LNP1: variants seen among roughly 807,000 people sequenced by gnomAD.
LNP1 encodes leukemia NUP98 fusion partner 1.
Under a neutral mutation model 14.5 loss-of-function variants are expected in LNP1, and 12 were observed. The observed-to-expected ratio is 0.83, with a 90% confidence interval of 0.53 to 1.34. LNP1 has a LOEUF of 1.34. Among genes scored for constraint, LNP1 ranks in the 40% most tolerant of loss-of-function variants. LNP1 has a pLI of 0.00. For synonymous variants in LNP1, 75 were observed against 71.4 expected (o/e 1.05, Z -0.26); for missense variants, 198 against 210.9 (o/e 0.94, Z 0.38).
chr3:100,420,672 A>T (rs978854566), intron 1 of LNP1, among the ~76,000 whole-genome samples: 44 of 152,112 alleles, frequency 2.9e-4, no homozygotes, highest in Admixed American at 1.6e-3. Flanking sequence ...AAAGTTTTTT[A>T]AAAAATGTAT....
At chr3:100,416,602 TGTG>T (rs1707086629) in intron 1 of LNP1, among the ~76,000 whole-genome samples, 720 of 58,640 alleles carry the variant, frequency 0.012, 24 homozygotes, top group Admixed American at 0.078. Flanking sequence ...ATCTTTTTTG[TGTG>T]TGTGTGTGTG....
At chr3:100,431,425 A>C (rs1187747213) in intron 2 of LNP1, among the ~76,000 whole-genome samples, 1 of 152,208 alleles carries the variant, frequency 6.6e-6, no homozygotes, top group African/African-American at 2.4e-5. Context: ...TGCCTGAATT[A>C]ACCTGTTTAG....
chr3:100,414,471 T>A (rs137877484), intron 1 of LNP1, among the ~76,000 whole-genome samples: 59 of 151,590 alleles, frequency 3.9e-4, no homozygotes, highest in African/African-American at 1.3e-3. Context: ...CGCTTGAACC[T>A]GGGAGGCAGA....
chr3:100,424,894 A>G (rs1434757076), intron 1 of LNP1, among the ~76,000 whole-genome samples: 1 of 152,232 alleles, frequency 6.6e-6, no homozygotes, highest in African/African-American at 2.4e-5. Context: ...TATTGACTTT[A>G]CTTAAAATCC....
At chr3:100,409,935 A>C (rs924384847) in intron 1 of LNP1, among the ~76,000 whole-genome samples, 2 of 150,768 alleles carry the variant, frequency 1.3e-5, no homozygotes, top group African/African-American at 4.9e-5. Context: ...TATATGCATA[A>C]ATATATATGT....
At chr3:100,409,595 T>C (rs1304247224) in intron 1 of LNP1, among the ~76,000 whole-genome samples, 363 of 99,620 alleles carry the variant, frequency 3.6e-3, no homozygotes, top group African/African-American at 0.015. Flanking sequence ...CACACACATA[T>C]ATATATATAT....
At chr3:100,416,773 T>TG (rs1273951713) in intron 1 of LNP1, among the ~76,000 whole-genome samples, 9 of 151,830 alleles carry the variant, frequency 5.9e-5, no homozygotes, top group Non-Finnish European at 1.3e-4. Context: ...TGTGCAGGTT[T>TG]GTTACATAGG....
intron 1 of LNP1, among the ~76,000 whole-genome samples, chr3:100,426,061 TC>T (rs1707189755): frequency 6.6e-6 from 1 of 152,066 alleles, no homozygotes; most frequent in South Asian, 2.1e-4. Flanking sequence ...GATGGAGGGG[TC>T]CCACTCTCTG....
At chr3:100,448,588 T>C (rs1474759516) in intron 2 of LNP1, among the ~76,000 whole-genome samples, 1 of 152,208 alleles carries the variant, frequency 6.6e-6, no homozygotes, top group Non-Finnish European at 1.5e-5. Flanking sequence ...ATGCTGGCAG[T>C]TCTTAAAACA....
intron 1 of LNP1, among the ~76,000 whole-genome samples, chr3:100,414,515 C>T (rs1033783699): frequency 1.3e-5 from 2 of 151,726 alleles, no homozygotes; most frequent in African/African-American, 4.8e-5. Flanking sequence ...CCGCTGCACT[C>T]CAGCCTGGGC....
chr3:100,409,777 T>C (rs1252921970), intron 1 of LNP1, among the ~76,000 whole-genome samples: 1 of 151,360 alleles, frequency 6.6e-6, no homozygotes, highest in Non-Finnish European at 1.5e-5. Context: ...GTATTTTTAG[T>C]AGAGACGGGG....
intron 1 of LNP1, among the ~76,000 whole-genome samples, chr3:100,427,915 A>T (rs1344266158): frequency 6.6e-6 from 1 of 152,248 alleles, no homozygotes. Context: ...ACTTTTCCTT[A>T]GTAACATAAA....
chr3:100,416,231 G>A (rs180678421), intron 1 of LNP1, among the ~76,000 whole-genome samples: 22 of 152,182 alleles, frequency 1.4e-4, no homozygotes, highest in Non-Finnish European at 2.8e-4. Context: ...ATTTTTATAA[G>A]GGGAAATTGA....
At chr3:100,425,547 C>T (rs1390753753) in intron 1 of LNP1, among the ~76,000 whole-genome samples, 1 of 152,190 alleles carries the variant, frequency 6.6e-6, no homozygotes, top group Non-Finnish European at 1.5e-5. Flanking sequence ...TCTCCTGCAT[C>T]TCCCCAGGTG....
intron 2 of LNP1, among the ~76,000 whole-genome samples, chr3:100,431,851 G>A (rs1428981924): frequency 6.9e-6 from 1 of 144,078 alleles, no homozygotes; most frequent in Non-Finnish European, 1.5e-5. Flanking sequence ...AAAAAAAATA[G>A]CAGGGTGTGG....
At chr3:100,419,612 A>G (rs1707125122) in intron 1 of LNP1, among the ~76,000 whole-genome samples, 1 of 152,168 alleles carries the variant, frequency 6.6e-6, no homozygotes, top group Non-Finnish European at 1.5e-5. Context: ...TCCTCAAACT[A>G]AACTCTGAGA....
chr3:100,450,713 C>T (rs1707429581), intron 2 of LNP1, among the ~76,000 whole-genome samples: 1 of 152,116 alleles, frequency 6.6e-6, no homozygotes, highest in African/African-American at 2.4e-5. Context: ...AGGCTGTAGA[C>T]TGCTCTCTAC....
At position 100,453,410 on chromosome 3, in the gene LNP1, G is replaced by A. The variant is rs372824263; in HGVS notation, c.387+1461G>A. Among the ~76,000 whole-genome samples the A allele has an allele frequency of 3.4e-5, 5 of 148,840 alleles. 1 individual carries two copies. The highest frequency in any genetic ancestry group is 1.3e-4 in the Admixed American group (2 of 14,886). Reference sequence around the variant, plus strand: ...AGCCTGGGCAACATAGTGAAATCCTGTCTCTACGAAAATTAAAAAAAAAAA... The same window carrying A: ...AGCCTGGGCAACATAGTGAAATCCTATCTCTACGAAAATTAAAAAAAAAAA... On this transcript the variant is annotated intron_variant, in intron 3 of 3. Coordinates refer to ENST00000383693, the MANE Select transcript of LNP1 (RefSeq NM_001085451.2).
At chr3:100,416,712 GT>G (rs1173580392) in intron 1 of LNP1, among the ~76,000 whole-genome samples, 2 of 115,240 alleles carry the variant, frequency 1.7e-5, no homozygotes, top group Admixed American at 1.8e-4. Context: ...ACATTTTTTT[GT>G]TTTGATTTTT....
Sources: allele counts gnomAD v4.1 joint callset (sites outside exome capture counted in the v4.1 genomes callset), GRCh38; gene constraint gnomAD v4.1.1; transcripts MANE v1.5; gene names NCBI Gene and HGNC (gene_info 2026-07-23, HGNC 2026-07-21).